The following PLXDC2 variants were observed in gnomAD, a reference collection of about 807,000 sequenced individuals.
PLXDC2 encodes the protein plexin domain containing 2.
A neutral mutation model predicts 68.9 loss-of-function variants in PLXDC2; 40 were observed. That is an observed-to-expected ratio of 0.58 (90% CI 0.45 to 0.76). PLXDC2 has a LOEUF of 0.76. Among genes scored for constraint, PLXDC2 ranks in the 30% least tolerant of loss-of-function variants. PLXDC2 has a pLI of 0.00. For synonymous variants in PLXDC2, 243 were observed against 234.2 expected, an observed-to-expected ratio of 1.04 and a Z score of -0.34; for missense variants, 644 against 661.9, an observed-to-expected ratio of 0.97 and a Z score of 0.30.
chr10:20,179,920 G>C (rs896672198), intron 9 of PLXDC2, among the ~76,000 whole-genome samples: 2 of 152,038 alleles, frequency 1.3e-5, no homozygotes, highest in African/African-American at 4.8e-5. Context: ...GTGACACCCA[G>C]CTTTTGGTCT....
At chr10:20,201,526 T>C (rs1022922625) in intron 9 of PLXDC2, among the ~76,000 whole-genome samples, 2 of 151,888 alleles carry the variant, frequency 1.3e-5, no homozygotes, top group Non-Finnish European at 2.9e-5. Flanking sequence ...TATATAACAA[T>C]ATAACATATA....
At chr10:20,051,824 A>G (rs1365428623) in intron 3 of PLXDC2, among the ~76,000 whole-genome samples, 1 of 151,982 alleles carries the variant, frequency 6.6e-6, no homozygotes, top group East Asian at 1.9e-4. Context: ...GGGGTTGGCA[A>G]CCTGTTTCTC....
intron 6 of PLXDC2, among the ~76,000 whole-genome samples, chr10:20,159,041 G>A (rs1377403684): frequency 6.6e-6 from 1 of 152,152 alleles, no homozygotes; most frequent in Admixed American, 6.6e-5. Flanking sequence ...AAAGAGTACA[G>A]TTTTAGAAAT....
At chr10:19,846,401 A>G (rs1228354795) in intron 1 of PLXDC2, among the ~76,000 whole-genome samples, 1 of 152,144 alleles carries the variant, frequency 6.6e-6, no homozygotes, top group Admixed American at 6.5e-5. Flanking sequence ...AGGAGGGAAA[A>G]AGAAAGTCAA....
intron 1 of PLXDC2, among the ~76,000 whole-genome samples, chr10:19,977,261 G>A (rs1291341503): frequency 1.3e-5 from 2 of 152,200 alleles, no homozygotes; most frequent in Non-Finnish European, 2.9e-5. Flanking sequence ...CCCACTAAAT[G>A]TATGGACTCT....
intron 2 of PLXDC2, among the ~76,000 whole-genome samples, chr10:20,041,247 T>G (rs1835677016): frequency 6.6e-6 from 1 of 152,196 alleles, no homozygotes; most frequent in African/African-American, 2.4e-5. Flanking sequence ...CTCTGTATAT[T>G]TGTATGTGTT....
chr10:19,870,920 A>C (rs1837522865), intron 1 of PLXDC2, among the ~76,000 whole-genome samples: 1 of 152,224 alleles, frequency 6.6e-6, no homozygotes, highest in African/African-American at 2.4e-5. Flanking sequence ...AGCAGGTTCC[A>C]TCAGGTAGAT....
At chr10:19,968,506 G>A (rs570002768) in intron 1 of PLXDC2, among the ~76,000 whole-genome samples, 1 of 152,136 alleles carries the variant, frequency 6.6e-6, no homozygotes, top group East Asian at 1.9e-4. Context: ...AGAGATGGGG[G>A]TCTCACCTTG....
At chr10:20,099,411 C>A (rs764921809) in intron 4 of PLXDC2, among the ~76,000 whole-genome samples, 1 of 152,186 alleles carries the variant, frequency 6.6e-6, no homozygotes, top group African/African-American at 2.4e-5. Context: ...GATGGCCCAT[C>A]ATTTTGATAA....
intron 1 of PLXDC2, among the ~76,000 whole-genome samples, chr10:19,821,318 C>T (rs913287460): frequency 6.6e-6 from 1 of 152,164 alleles, no homozygotes; most frequent in African/African-American, 2.4e-5. Flanking sequence ...CCTGCTCTTC[C>T]TTCTCTAAGT....
intron 2 of PLXDC2, among the ~76,000 whole-genome samples, chr10:20,026,813 A>G (rs1006916845): frequency 1.4e-5 from 2 of 139,966 alleles, no homozygotes; most frequent in African/African-American, 5.3e-5. Flanking sequence ...ATATACCTTT[A>G]TAATATATTC....
intron 9 of PLXDC2, among the ~76,000 whole-genome samples, chr10:20,182,617 ATAAG>A (rs1485779886): frequency 1.3e-5 from 2 of 151,920 alleles, no homozygotes; most frequent in Non-Finnish European, 2.9e-5. Flanking sequence ...TGGGTGGTAA[ATAAG>A]TAACTTTAAA....
chr10:20,014,502 C>T (rs1835176799), intron 2 of PLXDC2, among the ~76,000 whole-genome samples: 2 of 150,808 alleles, frequency 1.3e-5, no homozygotes, highest in African/African-American at 4.9e-5. Flanking sequence ...TTTCTGTCAT[C>T]AACCCATCCA....
chr10:20,072,538 A>AGAAAGAAG (rs1836350176), intron 4 of PLXDC2, among the ~76,000 whole-genome samples: 1 of 107,050 alleles, frequency 9.3e-6, no homozygotes, highest in Non-Finnish European at 1.6e-5. Context: ...AAAGAAAGAA[A>AGAAAGAAG]GAAAGAAAGA....
chr10:20,033,038 TG>T (rs1327140715), intron 2 of PLXDC2, among the ~76,000 whole-genome samples: 3 of 55,094 alleles, frequency 5.4e-5, no homozygotes, highest in East Asian at 6.2e-4. Flanking sequence ...TGTTGTGGGG[TG>T]GGGGGAGGGG....
At chr10:20,251,167 T>C (rs1228317775) in intron 13 of PLXDC2, among the ~76,000 whole-genome samples, 1 of 152,180 alleles carries the variant, frequency 6.6e-6, no homozygotes, top group Admixed American at 6.5e-5. Context: ...TTAACTTATC[T>C]TCTATATTGC....
chr10:20,040,932 A>T (rs1018435679), intron 2 of PLXDC2, among the ~76,000 whole-genome samples: 1 of 152,262 alleles, frequency 6.6e-6, no homozygotes, highest in Non-Finnish European at 1.5e-5. Flanking sequence ...GTACTTTCCG[A>T]TTTATCTGTC....
At chr10:20,009,624 T>G (rs1835078010) in intron 2 of PLXDC2, among the ~76,000 whole-genome samples, 1 of 151,364 alleles carries the variant, frequency 6.6e-6, no homozygotes, top group Non-Finnish European at 1.5e-5. Context: ...GGTTCATGAA[T>G]AGGCAGAAGG....
At chr10:19,967,481 A>C (rs1052834528) in intron 1 of PLXDC2, among the ~76,000 whole-genome samples, 3 of 152,204 alleles carry the variant, frequency 2.0e-5, no homozygotes, top group African/African-American at 7.2e-5. Context: ...ACACTATTTC[A>C]TTTCTTACTG....
Sources: gnomAD v4.1 joint callset for allele counts (sites outside exome capture counted in the v4.1 genomes callset) on GRCh38, gnomAD v4.1.1 for gene constraint, MANE v1.5 for transcripts, NCBI Gene and HGNC (gene_info 2026-07-23, HGNC 2026-07-21) for gene names.